The following ROR2 variants were observed in gnomAD, a reference collection of about 807,000 sequenced individuals.
ROR2 encodes ROR family WNT receptor 2.
In ROR2, 33 loss-of-function variants were observed where a neutral mutation model predicts 74.9. That is an observed-to-expected ratio of 0.44 (90% CI 0.33 to 0.59). ROR2 has a LOEUF of 0.59. ROR2 is among the 20% of genes least tolerant of loss of function. The pLI is 0.02. For synonymous variants in ROR2, 586 were observed against 558.7 expected (o/e 1.05, Z -0.69); for missense variants, 1,216 against 1,313.8 (o/e 0.93, Z 1.15).
intron 1 of ROR2, among the ~76,000 whole-genome samples, chr9:91,897,102 T>C (rs972622257): frequency 6.6e-5 from 10 of 152,228 alleles, no homozygotes; most frequent in African/African-American, 1.7e-4. Context: ...CGTAAGTGCA[T>C]AGGAAGCACG....
At chr9:91,788,418 G>A (rs78338960) in intron 1 of ROR2, among the ~76,000 whole-genome samples, 16,219 of 152,136 alleles carry the variant, frequency 0.11, 1,036 homozygotes, top group South Asian at 0.24. Context: ...ATCATAGACT[G>A]TTGAAAGACA....
At chr9:91,804,395 G>A (rs1465008517) in intron 1 of ROR2, among the ~76,000 whole-genome samples, 1 of 152,194 alleles carries the variant, frequency 6.6e-6, no homozygotes, top group Non-Finnish European at 1.5e-5. Flanking sequence ...AGGCCACAAA[G>A]CCACCCTTGG....
intron 1 of ROR2, among the ~76,000 whole-genome samples, chr9:91,949,124 C>T (rs1334324595): frequency 6.6e-6 from 1 of 151,646 alleles, no homozygotes; most frequent in Non-Finnish European, 1.5e-5. Flanking sequence ...GGGGGTCCCC[C>T]CGGCGCGGCC....
intron 1 of ROR2, among the ~76,000 whole-genome samples, chr9:91,784,336 CT>C (rs373548164): frequency 5.3e-5 from 8 of 152,216 alleles, no homozygotes; most frequent in African/African-American, 1.9e-4. Context: ...GCAGCACCCC[CT>C]GGCCCCCACC....
At chr9:91,943,781 A>C (rs1831941036) in intron 1 of ROR2, among the ~76,000 whole-genome samples, 1 of 152,192 alleles carries the variant, frequency 6.6e-6, no homozygotes, top group Admixed American at 6.5e-5. Flanking sequence ...TTTGTATTCA[A>C]TTCTAGTTTC....
chr9:91,834,449 G>C (rs1828556183), intron 1 of ROR2, among the ~76,000 whole-genome samples: 1 of 152,200 alleles, frequency 6.6e-6, no homozygotes, highest in African/African-American at 2.4e-5. Context: ...CCTGAACTCA[G>C]CCTGGCATGA....
At chr9:91,796,550 T>C (rs1827176285) in intron 1 of ROR2, among the ~76,000 whole-genome samples, 2 of 152,094 alleles carry the variant, frequency 1.3e-5, no homozygotes, top group Non-Finnish European at 2.9e-5. Flanking sequence ...TCTGGAGTAG[T>C]TGTGATAATG....
chr9:91,928,291 T>C (rs1378848396), intron 1 of ROR2, among the ~76,000 whole-genome samples: 1 of 152,198 alleles, frequency 6.6e-6, no homozygotes. Context: ...ATCCCCTCAC[T>C]GCCCCTCTGC....
intron 4 of ROR2, among the ~76,000 whole-genome samples, chr9:91,739,228 T>G (rs1156545679): frequency 6.6e-6 from 1 of 152,206 alleles, no homozygotes; most frequent in Non-Finnish European, 1.5e-5. Context: ...AATTTAAGGC[T>G]AGGCACAGTG....
chr9:91,775,501 G>A (rs1380047835), intron 2 of ROR2, among the ~76,000 whole-genome samples: 2 of 152,058 alleles, frequency 1.3e-5, no homozygotes, highest in African/African-American at 2.4e-5. Context: ...CTGCCAGGCC[G>A]CCATCTGTCC....
At chr9:91,857,635 C>T (rs776965371) in intron 1 of ROR2, among the ~76,000 whole-genome samples, 8 of 152,150 alleles carry the variant, frequency 5.3e-5, no homozygotes, top group African/African-American at 1.2e-4. Context: ...GGACCCAGGA[C>T]GAGGGGGTGG....
At chr9:91,918,282 AGTT>A (rs1564037792) in intron 1 of ROR2, among the ~76,000 whole-genome samples, 2 of 151,388 alleles carry the variant, frequency 1.3e-5, no homozygotes, top group African/African-American at 4.9e-5. Flanking sequence ...AAAAAAAAGA[AGTT>A]GTTGAAGGGC....
chr9:91,933,180 G>A (rs1209377181), intron 1 of ROR2, among the ~76,000 whole-genome samples: 3 of 152,140 alleles, frequency 2.0e-5, no homozygotes, highest in Admixed American at 2.0e-4. Context: ...GCCGGGCATG[G>A]TGGCACGCGC....
chr9:91,916,237 GCTAGGAGC>G (rs1298906977), intron 1 of ROR2, among the ~76,000 whole-genome samples: 4 of 152,204 alleles, frequency 2.6e-5, no homozygotes, highest in Non-Finnish European at 4.4e-5. Context: ...TTGTGTTCTT[GCTAGGAGC>G]CAAAATCCCT....
chr9:91,747,889 G>T (rs1400952947), intron 4 of ROR2, among the ~76,000 whole-genome samples: 2 of 152,170 alleles, frequency 1.3e-5, no homozygotes, highest in East Asian at 3.8e-4. Context: ...AAAGCCCTCT[G>T]CCAGAAAGCA....
At position 91,859,195 on chromosome 9, in the gene ROR2, TCC is replaced by T. The variant is rs796876955; in HGVS notation, c.98-83379_98-83378del. The stretch of plus-strand genomic sequence containing the variant: ...GCCAAGAAGGACCATCTGAAAGTAT[TCC>T]TTTTTTTTTTTTTTTTTTTTTTGAG... On this transcript the variant is annotated intron_variant, in intron 1 of 8. Transcript: ENST00000375708. 5.9e-3 allele frequency among the ~76,000 whole-genome samples: 750 copies of T among 127,302 alleles called. 14 individuals are homozygous for T. The highest frequency in any genetic ancestry group is 0.024 in the African/African-American group (707 of 29,634). The allele number at this position is 127,302 out of a possible 152,430, so 83.5% of individuals were successfully genotyped here. A position where few individuals can be genotyped will look rare whatever the true frequency, so the allele number is the denominator to read the frequency against.
Position 91,733,337 on chromosome 9 carries a change from G to T in ROR2, c.722C>A (p.Ala241Glu), listed in dbSNP as rs771096772. The change falls in exon 6 of 9, where the codon GCG becomes GAG. Residue 241 changes from alanine to glutamate, a missense_variant. Transcript: ENST00000375708. This position sits in a 1 kb window ranked among gnomAD's most constrained non-coding sequence, Gnocchi z 5.7. ...ACGCGGCTTGGGTGTCCGGGAGCGC[G>T]CGTCGCACAGAGGAAACACGAAGTG... ...FCHFVFPLCDARSRTPKPREL... is the reference protein window; with the variant it reads ...FCHFVFPLCDERSRTPKPREL... The T allele has an allele frequency of 2.5e-5, 41 of 1,612,238 alleles. No homozygotes were observed. The highest frequency in any genetic ancestry group is 5.1e-6 in the Non-Finnish European group (6 of 1,179,726).
At chr9:91,833,204 G>T (rs1587764431) in intron 1 of ROR2, among the ~76,000 whole-genome samples, 1 of 152,150 alleles carries the variant, frequency 6.6e-6, no homozygotes, top group Non-Finnish European at 1.5e-5. Flanking sequence ...AAATGCTTGG[G>T]AGGGAGGAAG....
chr9:91,806,888 C>T (rs556211859), intron 1 of ROR2, among the ~76,000 whole-genome samples: 5 of 152,152 alleles, frequency 3.3e-5, no homozygotes, highest in Admixed American at 6.5e-5. Flanking sequence ...CGCGCCTGGC[C>T]GATCATATTG....
Sources: gnomAD v4.1 joint callset for allele counts (sites outside exome capture counted in the v4.1 genomes callset) on GRCh38, gnomAD v4.1.1 for gene constraint, Gnocchi (gnomAD v3.1) non-coding constraint, MANE v1.5 for transcripts, NCBI Gene and HGNC (gene_info 2026-07-23, HGNC 2026-07-21) for gene names.